The following ADAMTS2 variants were observed in gnomAD, a reference collection of about 807,000 sequenced individuals.
ADAMTS2 encodes A disintegrin and metalloproteinase with thrombospondin motifs 2.
A neutral mutation model predicts 123.0 loss-of-function variants in ADAMTS2; 50 were observed. The observed-to-expected ratio is 0.41, with a 90% CI of 0.32 to 0.51. ADAMTS2 has a LOEUF of 0.51. ADAMTS2 is among the 20% of genes least tolerant of loss of function. The pLI, the probability that ADAMTS2 is intolerant of heterozygous loss-of-function variation, is 0.35. For missense variants in ADAMTS2, 1,494 were observed against 1,705.2 expected (o/e 0.88, Z 2.18); for synonymous variants, 678 against 695.4 (o/e 0.98, Z 0.39).
chr5:179,186,890 G>T (rs2113325655), intron 4 of ADAMTS2, among the ~76,000 whole-genome samples: 1 of 128,744 alleles, frequency 7.8e-6, no homozygotes, highest in South Asian at 2.7e-4. Context: ...AAGCGGAATA[G>T]ATCTCACCTT....
At position 179,158,794 on chromosome 5, in the gene ADAMTS2, G is replaced by A. The variant is rs771716658; in HGVS notation, c.1061C>T (p.Thr354Met). ...GTGATCGTGGTATTCATCGTGGCCC[G>A]TGTCTGGCTTCTGCTGGAGGTAGGC... ...RWAYLQQKPD[T>M]GHDEYHDHAI... is the part of the protein sequence containing the mutation. The change falls in exon 6 of 22, where the codon ACG becomes ATG. Residue 354 changes from threonine (T) to methionine (M), a missense_variant. This residue lies in a region of ADAMTS2 where 70 missense variants were observed against 85.3 expected (regional missense o/e 0.82). Coordinates refer to ENST00000251582, the MANE Select transcript of ADAMTS2 (RefSeq NM_014244.5). This position sits in a 1 kb window ranked among gnomAD's most constrained non-coding sequence, Gnocchi z 5.0. The A allele has an allele frequency of 2.8e-5, 45 of 1,614,122 alleles. No individual in the cohort carries two copies. Among genetic ancestry groups the A allele is most frequent in the East Asian group, 1.1e-4 (5 of 44,892 alleles).
chr5:179,163,488 T>C (rs1397376568), intron 5 of ADAMTS2, among the ~76,000 whole-genome samples: 1 of 152,118 alleles, frequency 6.6e-6, no homozygotes, highest in Non-Finnish European at 1.5e-5. Context: ...ACCTACCTAA[T>C]AGTAAACACT....
intron 19 of ADAMTS2, among the ~76,000 whole-genome samples, chr5:179,123,173 G>A (rs930957896): frequency 6.6e-6 from 1 of 152,208 alleles, no homozygotes; most frequent in African/African-American, 2.4e-5. Context: ...GGCGCCAGTA[G>A]GCTCCCCACA....
intron 2 of ADAMTS2, among the ~76,000 whole-genome samples, chr5:179,329,762 G>A (rs1423705071): frequency 6.6e-6 from 1 of 152,174 alleles, no homozygotes; most frequent in African/African-American, 2.4e-5. Flanking sequence ...GAGGGTTAAT[G>A]ACTAGCCCCA....
intron 7 of ADAMTS2, 36 bp from the exon 8 acceptor site, chr5:179,154,228 G>C (rs1195504090): frequency 3.3e-6 from 5 of 1,538,098 alleles, no homozygotes; most frequent in Non-Finnish European, 4.4e-6. Flanking sequence ...AATCCCACTG[G>C]CACACGGGTC....
At chr5:179,206,472 C>T (rs763721657) in intron 4 of ADAMTS2, among the ~76,000 whole-genome samples, 1 of 152,198 alleles carries the variant, frequency 6.6e-6, no homozygotes, top group Admixed American at 6.5e-5. Flanking sequence ...GGTGTGGACA[C>T]GCAGCACGGG....
At chr5:179,177,017 C>T (rs886558440) in intron 5 of ADAMTS2, among the ~76,000 whole-genome samples, 4 of 152,170 alleles carry the variant, frequency 2.6e-5, no homozygotes, top group African/African-American at 9.7e-5. Context: ...GACTGCCTGA[C>T]CCGCGTCTCC....
rs1762609423 is a variant in ADAMTS2, at chr5:179,113,652, C to T, written c.*215G>A. 3.3e-6 allele frequency: 2 copies of T among 598,972 alleles called. No individual in the cohort carries two copies. Among genetic ancestry groups the T allele is most frequent in the Admixed American group, 5.7e-5 (2 of 35,222 alleles). The allele number at this position is 598,972 out of a possible 1,614,324, so 37.1% of individuals were successfully genotyped here. On this transcript the variant is annotated 3_prime_UTR_variant, in exon 22 of 22. Transcript: ENST00000251582. ...CTCCACTGCACACCTGACGCCACCACAGTATTTGGTCGCTCCTGGGCTGGG... is the reference window on the plus strand; with the variant it reads ...CTCCACTGCACACCTGACGCCACCATAGTATTTGGTCGCTCCTGGGCTGGG...
chr5:179,271,224 G>C (rs1766523204), intron 3 of ADAMTS2, among the ~76,000 whole-genome samples: 1 of 152,220 alleles, frequency 6.6e-6, no homozygotes, highest in African/African-American at 2.4e-5. Context: ...GGCAAGGCCG[G>C]CCAGGCTGTG....
intron 2 of ADAMTS2, among the ~76,000 whole-genome samples, chr5:179,343,276 G>A (rs1757832965): frequency 6.6e-6 from 1 of 152,188 alleles, no homozygotes; most frequent in African/African-American, 2.4e-5. Context: ...TATGCACAAG[G>A]ACGGACACAA....
chr5:179,312,706 C>T lies in ADAMTS2; in HGVS notation c.534+31061G>A, dbSNP rs1388242091. On this transcript the variant is annotated intron_variant, in intron 2 of 21. Transcript: ENST00000251582. This position sits in a 1 kb window ranked among gnomAD's most constrained non-coding sequence, Gnocchi z 4.2. The stretch of plus-strand genomic sequence containing the variant: ...AGATGGAGGATGTCGGCCCTGAAGC[C>T]CAGAGCGAAGAGGCCACAAGCCAAG... 6.6e-6 allele frequency among the ~76,000 whole-genome samples: 1 copy of T among 152,184 alleles called. No individual in the cohort carries two copies. The highest frequency in any genetic ancestry group is 1.9e-4 in the East Asian group (1 of 5,192).
chr5:179,250,453 T>G (rs1257981151), intron 3 of ADAMTS2, among the ~76,000 whole-genome samples: 1 of 152,208 alleles, frequency 6.6e-6, no homozygotes, highest in Non-Finnish European at 1.5e-5. Context: ...AAGTTGACTG[T>G]GGTGATGGTT....
At position 179,180,994 on chromosome 5, in the gene ADAMTS2, A is replaced by G; in HGVS notation, c.975+78T>C. On this transcript the variant is annotated intron_variant, in intron 5 of 21. Coordinates refer to ENST00000251582, the MANE Select transcript of ADAMTS2 (RefSeq NM_014244.5). This position sits in a 1 kb window ranked among gnomAD's most constrained non-coding sequence, Gnocchi z 4.6. The stretch of plus-strand genomic sequence containing the variant: ...GTTCTGGCAAACGCACACACTCTCC[A>G]AGGAGGCCCATGCCTCACTCCCAGG... The G allele has an allele frequency of 8.8e-7, 1 of 1,142,428 alleles. No homozygotes were observed. Among genetic ancestry groups the G allele is most frequent in the East Asian group, 2.4e-5 (1 of 42,298 alleles). The allele number at this position is 1,142,428 out of a possible 1,614,324, so 70.8% of individuals were successfully genotyped here. A position where few individuals can be genotyped will look rare whatever the true frequency, so the allele number is the denominator to read the frequency against.
intron 2 of ADAMTS2, among the ~76,000 whole-genome samples, chr5:179,295,543 C>G (rs896017232): frequency 1.3e-5 from 2 of 152,210 alleles, no homozygotes; most frequent in Admixed American, 6.5e-5. Context: ...CCCGACCAGG[C>G]AGCCCTCACT....
chr5:179,233,822 C>G (rs1353804154), intron 3 of ADAMTS2, among the ~76,000 whole-genome samples: 1 of 152,228 alleles, frequency 6.6e-6, no homozygotes, highest in African/African-American at 2.4e-5. Flanking sequence ...GCACCAAGGT[C>G]TGGGGGTGGC....
rs749780407 is a variant in ADAMTS2, at chr5:179,303,328, C to T, written c.535-30264G>A. On this transcript the variant is annotated intron_variant, in intron 2 of 21. Coordinates refer to ENST00000251582, the MANE Select transcript of ADAMTS2 (RefSeq NM_014244.5). This position sits in a 1 kb window ranked among gnomAD's most constrained non-coding sequence, Gnocchi z 4.7. ...AGGTTCCAGTAGGATGGTGTGAGCACGCCTCACCTGCATCCCCCACTGCCT... is the reference window on the plus strand; with the variant it reads ...AGGTTCCAGTAGGATGGTGTGAGCATGCCTCACCTGCATCCCCCACTGCCT... Among the ~76,000 whole-genome samples, 23 of 152,152 alleles carry T rather than the reference C, an allele frequency of 1.5e-4. No individual in the cohort carries two copies. The highest frequency in any genetic ancestry group is 1.9e-4 in the African/African-American group (8 of 41,424).
At chr5:179,246,171 C>T (rs1765798532) in intron 3 of ADAMTS2, among the ~76,000 whole-genome samples, 1 of 152,226 alleles carries the variant, frequency 6.6e-6, no homozygotes, top group Admixed American at 6.5e-5. Context: ...TGGCAGACCA[C>T]ATTCCTGGTG....
At chr5:179,290,028 TG>T (rs1756141442) in intron 2 of ADAMTS2, among the ~76,000 whole-genome samples, 1 of 152,204 alleles carries the variant, frequency 6.6e-6, no homozygotes, top group African/African-American at 2.4e-5. Context: ...GTCGGAAGAC[TG>T]ACAAAATTCA....
intron 2 of ADAMTS2, among the ~76,000 whole-genome samples, chr5:179,289,313 T>C (rs1034460345): frequency 6.6e-6 from 1 of 151,918 alleles, no homozygotes; most frequent in Non-Finnish European, 1.5e-5. Context: ...AAAATAAATA[T>C]CCACAGATCA....
Sources: allele counts gnomAD v4.1 joint callset (sites outside exome capture counted in the v4.1 genomes callset), GRCh38; gene constraint gnomAD v4.1.1; regional missense constraint gnomAD v4.1.1; non-coding constraint Gnocchi (gnomAD v3.1); transcripts MANE v1.5; gene names NCBI Gene and HGNC (gene_info 2026-07-23, HGNC 2026-07-21).